The following PLPPR3 variants were observed in gnomAD, a reference collection of about 807,000 sequenced individuals.
PLPPR3 encodes the protein phospholipid phosphatase-related protein type 3.
PLPPR3 carries 14 observed loss-of-function variants against 27.3 expected under a neutral mutation model. The observed-to-expected ratio is 0.51, with a 90% CI of 0.34 to 0.80. The LOEUF (loss-of-function observed/expected upper bound fraction) is 0.80. Ranked by LOEUF, PLPPR3 falls within the 30% of genes least tolerant of loss-of-function variation. The pLI is 0.01. For synonymous variants in PLPPR3, 671 were observed against 508.0 expected (o/e 1.32, Z -4.32); for missense variants, 1,287 against 1,056.9 (o/e 1.22, Z -3.02).
At chr19:821,281 C>T (rs1347767263) in intron 2 of PLPPR3, among the ~76,000 whole-genome samples, 2 of 150,968 alleles carry the variant, frequency 1.3e-5, no homozygotes, top group African/African-American at 4.9e-5. Flanking sequence ...GCCTGGACCC[C>T]CCTCGGTTCC....
In PLPPR3 at chr19:812,995, C is replaced by T. The variant is rs1473999434; in HGVS notation, c.1732G>A (p.Ala578Thr). The change falls in exon 8 of 8, where the codon GCC becomes ACC. Residue 578 changes from alanine (A) to threonine (T), a missense_variant. Transcript: ENST00000520876. ...TGCGCGTCGATGGTCACGATGCTGG[C>T]GGAGTCGCGGTCCGACGGCGACCGG... is the stretch of plus-strand genomic sequence containing the variant. ...QYRSPSDRDS[A>T]SIVTIDAHAP... The T allele has an allele frequency of 2.0e-6, 3 of 1,512,202 alleles. No individual in the cohort carries two copies. Among genetic ancestry groups the T allele is most frequent in the East Asian group, 5.5e-5 (2 of 36,662 alleles). The allele number at this position is 1,512,202 out of a possible 1,614,324, so 93.7% of individuals were successfully genotyped here.
intron 2 of PLPPR3, among the ~76,000 whole-genome samples, chr19:817,550 AGGCAT>A (rs1433301565): frequency 6.6e-6 from 1 of 152,236 alleles, no homozygotes; most frequent in African/African-American, 2.4e-5. Context: ...CTGGGATTAC[AGGCAT>A]GAGTGACCTT....
chr19:821,023 T>A (rs1479095566), intron 2 of PLPPR3, among the ~76,000 whole-genome samples: 1 of 152,212 alleles, frequency 6.6e-6, no homozygotes, highest in Non-Finnish European at 1.5e-5. Flanking sequence ...TCTGTAGATA[T>A]TAATTCCTAT....
chr19:822,803 G>A (rs1207672732), upstream of PLPPR3, among the ~76,000 whole-genome samples: 9 of 152,190 alleles, frequency 5.9e-5, no homozygotes, highest in Non-Finnish European at 1.2e-4. Context: ...AGGTCTCCGG[G>A]CCCCAAACGG....
chr19:813,705 C>T lies in PLPPR3; in HGVS notation c.1022G>A (p.Arg341His), dbSNP rs1458486162. ...CAGGCTGCCCAGCGAGGTCTTCTCG[C>T]GGGCCACGGGCCGGGGCGCGCCCTC... ...RLEGAPRPVAREKTSLGSLKR... is the reference protein window; with the variant it reads ...RLEGAPRPVAHEKTSLGSLKR... The change falls in exon 8 of 8, where the codon CGC becomes CAC. Residue 341 changes from arginine to histidine, a missense_variant. By Grantham distance (29) the Arg-to-His change is conservative. Transcript: ENST00000520876. The surrounding 1 kb of genome is among the most constrained non-coding windows in gnomAD (Gnocchi z 4.1). The T allele has an allele frequency of 1.4e-5, 21 of 1,527,202 alleles. No homozygotes were observed. The highest frequency in any genetic ancestry group is 1.8e-5 in the Non-Finnish European group (21 of 1,142,560). 94.6% of individuals were successfully genotyped at this position (1,527,202 alleles called of 1,614,324 possible). A position where few individuals can be genotyped will look rare whatever the true frequency, so the allele number is the denominator to read the frequency against.
intron 2 of PLPPR3, 147 bp downstream of exon 2, chr19:821,338 C>G (rs933236891): frequency 2.6e-5 from 15 of 569,968 alleles, no homozygotes; most frequent in Non-Finnish European, 4.0e-5. Flanking sequence ...TCTGCCCCAC[C>G]CCCCATCCGC....
chr19:813,816 C>T lies in PLPPR3; in HGVS notation c.911G>A (p.Arg304Gln), dbSNP rs978076681. The change falls in exon 8 of 8, where the codon CGG becomes CAG. Residue 304 changes from arginine (R) to glutamine (Q), a missense_variant. Coordinates refer to ENST00000520876, the MANE Select transcript of PLPPR3 (RefSeq NM_001270366.2). The surrounding 1 kb of genome is among the most constrained non-coding windows in gnomAD (Gnocchi z 4.1). Reference protein sequence around the residue: ...AAPAPAKDALRALTQRGHDSV... With the variant: ...AAPAPAKDALQALTQRGHDSV... ...GTCGTGGCCCCGCTGCGTCAGGGCC[C>T]GCAGCGCGTCCTTGGCGGGGGCCGG... The T allele has an allele frequency of 1.1e-5, 17 of 1,506,854 alleles. No individual in the cohort carries two copies. Among genetic ancestry groups the T allele is most frequent in the Non-Finnish European group, 1.5e-5 (17 of 1,134,774 alleles). 93.3% of individuals were successfully genotyped at this position (1,506,854 alleles called of 1,614,324 possible).
Position 812,978 on chromosome 19 carries a change from G to C in PLPPR3, c.1749C>G (p.Ile583Met), listed in dbSNP as rs2034962127. Residue 583 changes from isoleucine (I) to methionine (M), a missense_variant, in exon 8 of 8, where the codon ATC becomes ATG. Transcript: ENST00000520876. The stretch of plus-strand genomic sequence containing the variant: ...CGGGGTGGTGCGGCGCGTGCGCGTC[G>C]ATGGTCACGATGCTGGCGGAGTCGC... ...SDRDSASIVT[I>M]DAHAPHHPVV... The C allele has an allele frequency of 2.0e-6, 3 of 1,497,462 alleles. No homozygotes were observed. In the East Asian group the frequency reaches 8.5e-5, roughly 42 times the overall value. The allele number at this position is 1,497,462 out of a possible 1,614,324, so 92.8% of individuals were successfully genotyped here. A position where few individuals can be genotyped will look rare whatever the true frequency, so the allele number is the denominator to read the frequency against.
In PLPPR3 at chr19:816,218, C is replaced by T. The variant is rs888650344; in HGVS notation, c.76-367G>A. Among the ~76,000 whole-genome samples, 8 of 150,634 alleles carry T rather than the reference C, an allele frequency of 5.3e-5. No homozygotes were observed. In the East Asian group the frequency reaches 1.6e-3, roughly 30 times the overall value. On this transcript the variant is annotated intron_variant, in intron 2 of 7. Transcript: ENST00000520876. ...TTCTCCACCCATGCACCCAACGGTACCCATCCATCCATCCATCCATCACCT... is the reference window on the plus strand; with the variant it reads ...TTCTCCACCCATGCACCCAACGGTATCCATCCATCCATCCATCCATCACCT...
chr19:813,791 G>A lies in PLPPR3; in HGVS notation c.936C>T (p.Asp312=). The A allele has an allele frequency of 1.3e-6, 2 of 1,525,934 alleles. No individual in the cohort carries two copies. The highest frequency in any genetic ancestry group is 1.2e-5 in the South Asian group (1 of 83,198). 94.5% of individuals were successfully genotyped at this position (1,525,934 alleles called of 1,614,324 possible). A position where few individuals can be genotyped will look rare whatever the true frequency, so the allele number is the denominator to read the frequency against. The stretch of plus-strand genomic sequence containing the variant: ...CCGACTTATTCTGCTGATAAACCGA[G>A]TCGTGGCCCCGCTGCGTCAGGGCCC... ...ALRALTQRGH[D]SVYQQNKSVS... The change falls in exon 8 of 8, where the codon GAC becomes GAT. Residue 312 remains aspartate, a synonymous_variant. Transcript: ENST00000520876. This position sits in a 1 kb window ranked among gnomAD's most constrained non-coding sequence, Gnocchi z 4.1.
At chr19:818,694 C>A (rs920792745) in intron 2 of PLPPR3, among the ~76,000 whole-genome samples, 1 of 151,876 alleles carries the variant, frequency 6.6e-6, no homozygotes, top group Non-Finnish European at 1.5e-5. Flanking sequence ...CCACCGCGCC[C>A]GGCTAATTTT....
Position 812,541 on chromosome 19 carries a change from GC to G in PLPPR3, c.*28del, listed in dbSNP as rs1368459316. 4 of 617,564 alleles carry G rather than the reference GC, an allele frequency of 6.5e-6. No individual in the cohort carries two copies. Among genetic ancestry groups the G allele is most frequent in the East Asian group, 1.4e-4 (1 of 7,362 alleles). 38.3% of individuals were successfully genotyped at this position (617,564 alleles called of 1,614,324 possible). A position where few individuals can be genotyped will look rare whatever the true frequency, so the allele number is the denominator to read the frequency against. ...GCGCGGCCGCCCGCGCCCTCGGCCC[GC>G]CCCCCGCCCGCCCCCGGCCCCGCCG... On this transcript the variant is annotated 3_prime_UTR_variant, in exon 8 of 8. Coordinates refer to ENST00000520876, the MANE Select transcript of PLPPR3 (RefSeq NM_001270366.2).
Position 813,364 on chromosome 19 carries a change from C to T in PLPPR3, c.1363G>A (p.Glu455Lys), listed in dbSNP as rs1276556344. The T allele has an allele frequency of 3.8e-5, 57 of 1,491,352 alleles. No individual in the cohort carries two copies. The highest frequency in any genetic ancestry group is 5.2e-5 in the South Asian group (4 of 77,588). The allele number at this position is 1,491,352 out of a possible 1,614,324, so 92.4% of individuals were successfully genotyped here. A position where few individuals can be genotyped will look rare whatever the true frequency, so the allele number is the denominator to read the frequency against. The change falls in exon 8 of 8, where the codon GAG (glutamate) becomes AAG (lysine). Residue 455 changes from glutamate (E) to lysine (K), a missense_variant. Coordinates refer to ENST00000520876, the MANE Select transcript of PLPPR3 (RefSeq NM_001270366.2). The surrounding 1 kb of genome is among the most constrained non-coding windows in gnomAD (Gnocchi z 4.1). ...EEEDEEEEEE[E>K]EEEEDEGPAP... Reference sequence around the variant, plus strand: ...GGGCCCTCGTCCTCCTCCTCTTCCTCCTCCTCCTCTTCCTCTTCGTCCTCC... The same window carrying T: ...GGGCCCTCGTCCTCCTCCTCTTCCTTCTCCTCCTCTTCCTCTTCGTCCTCC...
chr19:820,863 G>A (rs2035133022), intron 2 of PLPPR3, among the ~76,000 whole-genome samples: 2 of 151,730 alleles, frequency 1.3e-5, no homozygotes, highest in Non-Finnish European at 2.9e-5. Context: ...TCACCATGTT[G>A]GCTAGGCTGG....
chr19:814,923 A>C lies in PLPPR3; in HGVS notation c.562T>G (p.Cys188Gly). ...EVNPYITQDI[C>G]SGHDIHAILS... is the part of the protein sequence containing the mutation. ...ATGGCGTGGATGTCGTGGCCGGAGC[A>C]GATGTCCTGCGTGATGTAGGGGTTG... Residue 188 changes from cysteine to glycine, a missense_variant, in exon 5 of 8, where the codon TGC becomes GGC. Transcript: ENST00000520876. The C allele has an allele frequency of 6.2e-7, 1 of 1,612,004 alleles. No homozygotes were observed. The highest frequency in any genetic ancestry group is 8.5e-7 in the Non-Finnish European group (1 of 1,179,928).
Position 814,454 on chromosome 19 carries a change from C to A in PLPPR3, c.811G>T (p.Ala271Ser), listed in dbSNP as rs1379412067. ...VDVYAGFLIG[A>S]GIAAYLACHA... The stretch of plus-strand genomic sequence containing the variant: ...CTCACCAGGTAGGCAGCGATGCCCG[C>A]CCCGATGAGGAAGCCGGCATACACG... Residue 271 changes from alanine to serine, a missense_variant, in exon 7 of 8, where the codon GCG becomes TCG. Ala to Ser is a moderately conservative substitution (Grantham distance 99). Coordinates refer to ENST00000520876, the MANE Select transcript of PLPPR3 (RefSeq NM_001270366.2). The A allele has an allele frequency of 6.2e-7, 1 of 1,604,798 alleles. No individual in the cohort carries two copies.
In PLPPR3 at chr19:812,671, G is replaced by C; in HGVS notation, c.2056C>G (p.Leu686Val). ...ALGPGSREST[L>V]RRHAGGLGLA... is the part of the protein sequence containing the mutation. ...CCCAGGCCGCCCGCGTGGCGCCGCA[G>C]CGTGGACTCCCGGCTGCCCGGGCCC... The change falls in exon 8 of 8, where the codon CTG becomes GTG. Residue 686 changes from leucine to valine, a missense_variant. Leu to Val is a conservative substitution (Grantham distance 32). Transcript: ENST00000520876. 9.5e-7 allele frequency: 1 copy of C among 1,054,372 alleles called. No homozygotes were observed. The highest frequency in any genetic ancestry group is 1.1e-6 in the Non-Finnish European group (1 of 873,514). 65.3% of individuals were successfully genotyped at this position (1,054,372 alleles called of 1,614,324 possible). A position where few individuals can be genotyped will look rare whatever the true frequency, so the allele number is the denominator to read the frequency against.
In PLPPR3 at chr19:815,181, C is replaced by G; in HGVS notation, c.403+5G>C. On this transcript the variant is annotated splice_donor_5th_base_variant and intron_variant, in intron 4 of 7. Transcript: ENST00000520876. ...CTCAGGGTCGGGGCGCGTCCCGCAA[C>G]TCACCCACAAACCGCACCGTACGCC... 1 of 1,603,724 alleles carries G rather than the reference C, an allele frequency of 6.2e-7. No individual in the cohort carries two copies. The highest frequency in any genetic ancestry group is 8.5e-7 in the Non-Finnish European group (1 of 1,178,918).
Position 813,969 on chromosome 19 carries a change from G to A in PLPPR3, c.832-74C>T, listed in dbSNP as rs548707872. 5.7e-6 allele frequency: 8 copies of A among 1,401,848 alleles called. No homozygotes were observed. The highest frequency in any genetic ancestry group is 4.5e-5 in the African/African-American group (3 of 66,686). The allele number at this position is 1,401,848 out of a possible 1,614,324, so 86.8% of individuals were successfully genotyped here. A position where few individuals can be genotyped will look rare whatever the true frequency, so the allele number is the denominator to read the frequency against. ...CTCCCCTGTGATCGTTGGACTTGCCGCGGGGGGCTCTGGACCGGGGGTGGG... is the reference window on the plus strand; with the variant it reads ...CTCCCCTGTGATCGTTGGACTTGCCACGGGGGGCTCTGGACCGGGGGTGGG... On this transcript the variant is annotated intron_variant, in intron 7 of 7. Transcript: ENST00000520876. The surrounding 1 kb of genome is among the most constrained non-coding windows in gnomAD (Gnocchi z 4.1).
Sources: gnomAD v4.1 joint callset for allele counts (sites outside exome capture counted in the v4.1 genomes callset) on GRCh38, gnomAD v4.1.1 for gene constraint, Gnocchi (gnomAD v3.1) non-coding constraint, MANE v1.5 for transcripts, NCBI Gene and HGNC (gene_info 2026-07-23, HGNC 2026-07-21) for gene names.